Variants in ENOX1 observed in about 807,000 individuals in gnomAD.
ENOX1 encodes the protein ecto-NOX disulfide-thiol exchanger 1.
ENOX1 carries 42 observed loss-of-function variants against 82.5 expected under a neutral mutation model. The ratio of observed to expected loss-of-function variants is 0.51; its 90% CI spans 0.40 to 0.66. ENOX1 has a LOEUF of 0.66. Among genes scored for constraint, ENOX1 ranks in the 30% least tolerant of loss-of-function variants. The pLI, the probability that ENOX1 is intolerant of heterozygous loss-of-function variation, is 0.00. For synonymous variants in ENOX1, 271 were observed against 282.2 expected, an observed-to-expected ratio of 0.96 and a Z score of 0.40; for missense variants, 608 against 811.6, an observed-to-expected ratio of 0.75 and a Z score of 3.05.
intron 2 of ENOX1, among the ~76,000 whole-genome samples, chr13:43,652,543 A>G (rs909934651): frequency 1.3e-5 from 2 of 152,218 alleles, no homozygotes; most frequent in Non-Finnish European, 2.9e-5. Flanking sequence ...CATAGAGGAT[A>G]AAGTGGTCCA....
intron 16 of ENOX1, among the ~76,000 whole-genome samples, chr13:43,219,322 G>A (rs1282226844): frequency 6.6e-6 from 1 of 152,192 alleles, no homozygotes; most frequent in Non-Finnish European, 1.5e-5. Flanking sequence ...GGAGCACTGT[G>A]TAGCACTGTG....
intron 7 of ENOX1, among the ~76,000 whole-genome samples, chr13:43,358,113 A>T (rs1425792868): frequency 6.6e-6 from 1 of 152,176 alleles, no homozygotes; most frequent in East Asian, 1.9e-4. Flanking sequence ...AAATCATAGG[A>T]TCAAGGTATA....
At chr13:43,340,732 A>G (rs149140629) in intron 9 of ENOX1, among the ~76,000 whole-genome samples, 1 of 152,348 alleles carries the variant, frequency 6.6e-6, no homozygotes, top group African/African-American at 2.4e-5. Context: ...AGATGATGCT[A>G]ATATCAATGC....
intron 3 of ENOX1, among the ~76,000 whole-genome samples, chr13:43,429,940 C>T (rs983816262): frequency 6.6e-6 from 1 of 152,210 alleles, no homozygotes; most frequent in African/African-American, 2.4e-5. Context: ...ATTTCTTTCA[C>T]GCCATGTGAT....
intron 2 of ENOX1, among the ~76,000 whole-genome samples, chr13:43,647,649 C>G (rs190519779): frequency 6.6e-6 from 1 of 152,166 alleles, no homozygotes; most frequent in Non-Finnish European, 1.5e-5. Flanking sequence ...CCCTATACCC[C>G]CTTTGTGAAT....
At chr13:43,254,835 T>C (rs2043655527) in intron 14 of ENOX1, among the ~76,000 whole-genome samples, 1 of 152,128 alleles carries the variant, frequency 6.6e-6, no homozygotes. Flanking sequence ...GATTGAACCA[T>C]GGAGACATAG....
intron 2 of ENOX1, among the ~76,000 whole-genome samples, chr13:43,616,173 T>TAGATAG (rs1566641952): frequency 4.3e-4 from 3 of 6,930 alleles, no homozygotes; most frequent in East Asian, 8.5e-3. Flanking sequence ...TATCTATCTA[T>TAGATAG]CTATCTATCT....
intron 14 of ENOX1, among the ~76,000 whole-genome samples, chr13:43,261,604 G>A (rs1353664877): frequency 6.6e-6 from 1 of 151,600 alleles, no homozygotes; most frequent in East Asian, 1.9e-4. Flanking sequence ...GTCCAACAAC[G>A]ATAGACTGGA....
intron 5 of ENOX1, among the ~76,000 whole-genome samples, chr13:43,408,274 C>T (rs7318285): frequency 0.014 from 2,195 of 152,278 alleles, 56 homozygotes; most frequent in African/African-American, 0.05. Context: ...AAAAATCTTA[C>T]GCCTTGCTTT....
At position 43,720,693 on chromosome 13, in the gene ENOX1, C is replaced by T. The variant is rs1404191938; in HGVS notation, c.-284-53149G>A. 5.9e-5 allele frequency among the ~76,000 whole-genome samples: 9 copies of T among 152,262 alleles called. No individual in the cohort carries two copies. In the South Asian group the frequency reaches 1.5e-3, roughly 25 times the overall value. On this transcript the variant is annotated intron_variant, in intron 1 of 16. Transcript: ENST00000690772. ...CTGATGGGACACTAGAGCATGGGCACGAGCAGAGGGGTATGCACATGTGTG... is the reference window on the plus strand; with the variant it reads ...CTGATGGGACACTAGAGCATGGGCATGAGCAGAGGGGTATGCACATGTGTG...
intron 2 of ENOX1, among the ~76,000 whole-genome samples, chr13:43,637,844 A>T (rs186167023): frequency 6.6e-6 from 1 of 152,178 alleles, no homozygotes; most frequent in Admixed American, 6.5e-5. Flanking sequence ...TCACCCTGCC[A>T]GGATTTCACA....
At position 43,713,699 on chromosome 13, in the gene ENOX1, A is replaced by G. The variant is rs1409377272; in HGVS notation, c.-284-46155T>C. Among the ~76,000 whole-genome samples the G allele has an allele frequency of 8.5e-3, 1,290 of 151,948 alleles. 18 individuals are homozygous for G. Among genetic ancestry groups the G allele is most frequent in the African/African-American group, 0.03 (1,223 of 41,380 alleles). On this transcript the variant is annotated intron_variant, in intron 1 of 16. Coordinates refer to ENST00000690772, the MANE Select transcript of ENOX1 (RefSeq NM_001347969.2). ...CTTCTAGATTTTCTAGTTTATTTGCATAGAGGTGTTTGTAGTATTCTCTGA... is the reference window on the plus strand; with the variant it reads ...CTTCTAGATTTTCTAGTTTATTTGCGTAGAGGTGTTTGTAGTATTCTCTGA...
chr13:43,757,673 T>C (rs1950731710), intron 1 of ENOX1, among the ~76,000 whole-genome samples: 1 of 152,168 alleles, frequency 6.6e-6, no homozygotes, highest in Non-Finnish European at 1.5e-5. Context: ...CAAATGTTGG[T>C]CAGGATGCAG....
chr13:43,474,461 CACTT>C (rs752972286), intron 3 of ENOX1, among the ~76,000 whole-genome samples: 129 of 152,284 alleles, frequency 8.5e-4, no homozygotes, highest in Non-Finnish European at 1.7e-3. Context: ...AAGTTTCTAA[CACTT>C]ACTAGCTTTG....
intron 8 of ENOX1, among the ~76,000 whole-genome samples, chr13:43,347,838 T>C (rs1251136713): frequency 6.6e-6 from 1 of 152,232 alleles, no homozygotes; most frequent in Non-Finnish European, 1.5e-5. Flanking sequence ...GTTTAGAAGC[T>C]AGAATGTGCA....
At chr13:43,491,361 A>T (rs2076613008) in intron 2 of ENOX1, among the ~76,000 whole-genome samples, 2 of 152,190 alleles carry the variant, frequency 1.3e-5, no homozygotes, top group South Asian at 4.1e-4. Context: ...GGAGGGGACA[A>T]ACATCCAAAT....
chr13:43,484,465 T>C (rs544186601), intron 2 of ENOX1, among the ~76,000 whole-genome samples: 69 of 152,322 alleles, frequency 4.5e-4, no homozygotes, highest in African/African-American at 1.6e-3. Context: ...ACTGAGTGTC[T>C]ACCAGATATA....
intron 14 of ENOX1, among the ~76,000 whole-genome samples, chr13:43,252,282 T>C (rs1174853865): frequency 6.6e-6 from 1 of 152,130 alleles, no homozygotes; most frequent in Admixed American, 6.6e-5. Context: ...AGCTGAGACT[T>C]TGAGGTTTTT....
chr13:43,434,846 T>C (rs1213910032), intron 3 of ENOX1, among the ~76,000 whole-genome samples: 1 of 152,016 alleles, frequency 6.6e-6, no homozygotes, highest in Non-Finnish European at 1.5e-5. Context: ...ATTATTAAGC[T>C]TGTATCCACT....
Sources: gnomAD v4.1 joint callset for allele counts (sites outside exome capture counted in the v4.1 genomes callset) on GRCh38, gnomAD v4.1.1 for gene constraint, MANE v1.5 for transcripts, NCBI Gene and HGNC (gene_info 2026-07-23, HGNC 2026-07-21) for gene names.